The following TCF7L1 variants were observed in gnomAD, a reference collection of about 807,000 sequenced individuals.
The protein encoded by TCF7L1 is transcription factor 7 like 1.
A neutral mutation model predicts 63.7 loss-of-function variants in TCF7L1; 18 were observed. The ratio of observed to expected loss-of-function variants is 0.28; its 90% CI spans 0.20 to 0.42. The LOEUF (loss-of-function observed/expected upper bound fraction) is 0.42, where lower values mean the gene tolerates loss of function less well. Among genes scored for constraint, TCF7L1 ranks in the 10% least tolerant of loss-of-function variants. The pLI is 1.00. For synonymous variants in TCF7L1, 355 were observed against 340.9 expected, an observed-to-expected ratio of 1.04 and a Z score of -0.46; for missense variants, 654 against 779.3, an observed-to-expected ratio of 0.84 and a Z score of 1.91.
intron 3 of TCF7L1, among the ~76,000 whole-genome samples, chr2:85,175,851 A>C (rs2583543): frequency 0.35 from 53,594 of 152,104 alleles, 9,824 homozygotes; most frequent in African/African-American, 0.42. Context: ...TCTGCGGTTC[A>C]TGGCTCTCCT....
At position 85,133,690 on chromosome 2, in the gene TCF7L1, C is replaced by G. The variant is rs1212324777; in HGVS notation, c.6C>G (p.Pro2=). The G allele has an allele frequency of 6.0e-6, 6 of 995,308 alleles. No homozygotes were observed. Among genetic ancestry groups the G allele is most frequent in the Non-Finnish European group, 7.2e-6 (6 of 837,670 alleles). The allele number at this position is 995,308 out of a possible 1,614,324, so 61.7% of individuals were successfully genotyped here. A position where few individuals can be genotyped will look rare whatever the true frequency, so the allele number is the denominator to read the frequency against. ...CCCCGGCCCGCGGCCCCACCATGCC[C>G]CAGCTCGGCGGCGGGGGCGGCGGCG... M[P]QLGGGGGGGG... The change falls in exon 1 of 12, where the codon CCC becomes CCG. Residue 2 remains proline, a synonymous_variant. Coordinates refer to ENST00000282111, the MANE Select transcript of TCF7L1 (RefSeq NM_031283.3). This position sits in a 1 kb window ranked among gnomAD's most constrained non-coding sequence, Gnocchi z 4.4.
chr2:85,175,845 C>T (rs1347651374), intron 3 of TCF7L1, among the ~76,000 whole-genome samples: 3 of 152,192 alleles, frequency 2.0e-5, no homozygotes, highest in African/African-American at 4.8e-5. Flanking sequence ...TGGCCCTCTG[C>T]GGTTCATGGC....
chr2:85,204,349 G>C (rs375169395), intron 3 of TCF7L1, among the ~76,000 whole-genome samples: 1 of 121,098 alleles, frequency 8.3e-6, no homozygotes, highest in African/African-American at 3.2e-5. Flanking sequence ...CAGTACATAC[G>C]CGCTTACCTC....
chr2:85,286,467 A>G (rs541141653), intron 4 of TCF7L1, among the ~76,000 whole-genome samples: 1 of 152,094 alleles, frequency 6.6e-6, no homozygotes, highest in South Asian at 2.1e-4. Flanking sequence ...GCTTGAGGCC[A>G]GGAGTTTGAG....
chr2:85,182,155 G>A (rs773836225), intron 3 of TCF7L1, among the ~76,000 whole-genome samples: 41 of 152,132 alleles, frequency 2.7e-4, no homozygotes, highest in Non-Finnish European at 5.6e-4. Context: ...GAGAGACGAG[G>A]CCCTCAAAAC....
At chr2:85,238,775 C>G (rs1680252945) in intron 3 of TCF7L1, among the ~76,000 whole-genome samples, 1 of 144,920 alleles carries the variant, frequency 6.9e-6, no homozygotes, top group Admixed American at 7.3e-5. Context: ...TCTTTTGGAG[C>G]ATTTTATTTA....
At chr2:85,232,015 A>ATGC (rs978797086) in intron 3 of TCF7L1, among the ~76,000 whole-genome samples, 5 of 152,288 alleles carry the variant, frequency 3.3e-5, no homozygotes, top group Non-Finnish European at 5.9e-5. Context: ...GGTGCCTGGT[A>ATGC]TGCTGTAAGA....
intron 3 of TCF7L1, among the ~76,000 whole-genome samples, chr2:85,215,345 G>A (rs1245298167): frequency 6.6e-6 from 1 of 152,202 alleles, no homozygotes; most frequent in African/African-American, 2.4e-5. Flanking sequence ...ACGAAATTGT[G>A]CAGCGTTCGA....
At chr2:85,168,349 TG>T (rs1678468639) in intron 3 of TCF7L1, among the ~76,000 whole-genome samples, 1 of 152,176 alleles carries the variant, frequency 6.6e-6, no homozygotes, top group African/African-American at 2.4e-5. Context: ...TGCAGTTTTT[TG>T]GTATATCAAT....
intron 3 of TCF7L1, among the ~76,000 whole-genome samples, chr2:85,267,237 G>GGAA (rs964890412): frequency 1.3e-5 from 2 of 151,290 alleles, no homozygotes; most frequent in African/African-American, 4.9e-5. Flanking sequence ...AGGCTGAGGT[G>GGAA]GAAGAATCAC....
chr2:85,250,684 C>T (rs1253307538), intron 3 of TCF7L1, among the ~76,000 whole-genome samples: 1 of 152,180 alleles, frequency 6.6e-6, no homozygotes, highest in Admixed American at 6.5e-5. Context: ...TGATCACCCA[C>T]CTCAGCCTCC....
intron 3 of TCF7L1, among the ~76,000 whole-genome samples, chr2:85,159,481 C>G (rs1165221426): frequency 6.6e-6 from 1 of 152,202 alleles, no homozygotes; most frequent in Non-Finnish European, 1.5e-5. Flanking sequence ...CCCAGTGAAA[C>G]CTTCTGCAGA....
chr2:85,135,514 C>T (rs1677572207), intron 3 of TCF7L1, among the ~76,000 whole-genome samples: 1 of 152,130 alleles, frequency 6.6e-6, no homozygotes, highest in African/African-American at 2.4e-5. Flanking sequence ...GGAGCAGGGT[C>T]CCAGCAACAC....
Position 85,309,310 on chromosome 2 carries a change from C to A in TCF7L1, c.1615C>A (p.Pro539Thr). Residue 539 changes from proline to threonine, a missense_variant, in exon 12 of 12, where the codon CCT becomes ACT. By Grantham distance (38) the Pro-to-Thr change is conservative. Coordinates refer to ENST00000282111, the MANE Select transcript of TCF7L1 (RefSeq NM_031283.3). ...ASSSGQMGSQ[P>T]PLLSRPLPLG... ...CTCCTCTGGGCAGATGGGCAGCCAG[C>A]CTCCCCTCCTGTCCCGGCCCCTCCC... The A allele has an allele frequency of 6.2e-7, 1 of 1,613,390 alleles. No individual in the cohort carries two copies. The highest frequency in any genetic ancestry group is 8.5e-7 in the Non-Finnish European group (1 of 1,179,912).
In TCF7L1 at chr2:85,280,708, C is replaced by T. The variant is rs1041461688; in HGVS notation, c.442-2787C>T. 7.2e-5 allele frequency among the ~76,000 whole-genome samples: 11 copies of T among 152,126 alleles called. No individual in the cohort carries two copies. The East Asian group carries it at 9.6e-4, about 13-fold the overall frequency. On this transcript the variant is annotated intron_variant, in intron 3 of 11. Transcript: ENST00000282111. ...GTTCAAGTTGTTGCTTCTAGAAAAA[C>T]GAGTGTGGTGTTTAGGCTTCAAGTG...
chr2:85,238,116 G>A (rs539151507), intron 3 of TCF7L1, among the ~76,000 whole-genome samples: 8 of 152,282 alleles, frequency 5.3e-5, no homozygotes, highest in East Asian at 3.9e-4. Context: ...CAGCCCTGGC[G>A]CAGTGGCAGC....
At position 85,162,635 on chromosome 2, in the gene TCF7L1, C is replaced by T. The variant is rs531949517; in HGVS notation, c.441+28185C>T. ...GACATTCTTGTTTCTCCTTTAAGAC[C>T]ATCTCTGGGGTCACCTTCGGTTGCC... On this transcript the variant is annotated intron_variant, in intron 3 of 11. Coordinates refer to ENST00000282111, the MANE Select transcript of TCF7L1 (RefSeq NM_031283.3). Among the ~76,000 whole-genome samples the T allele has an allele frequency of 2.0e-5, 3 of 152,202 alleles. No homozygotes were observed. The South Asian group carries it at 6.2e-4, about 32-fold the overall frequency.
At chr2:85,293,258 C>A (rs1231623858) in intron 4 of TCF7L1, among the ~76,000 whole-genome samples, 5 of 152,208 alleles carry the variant, frequency 3.3e-5, no homozygotes, top group Admixed American at 1.3e-4. Flanking sequence ...TGGAAGGTGA[C>A]TGAATCACGG....
intron 3 of TCF7L1, among the ~76,000 whole-genome samples, chr2:85,263,994 G>C (rs957627455): frequency 6.6e-6 from 1 of 152,364 alleles, no homozygotes; most frequent in Admixed American, 6.5e-5. Flanking sequence ...GGCCAGTGAC[G>C]TGGAAGGCAG....
Sources: gnomAD v4.1 joint callset for allele counts (sites outside exome capture counted in the v4.1 genomes callset) on GRCh38, gnomAD v4.1.1 for gene constraint, Gnocchi (gnomAD v3.1) non-coding constraint, MANE v1.5 for transcripts, NCBI Gene and HGNC (gene_info 2026-07-23, HGNC 2026-07-21) for gene names.